Variants in RBM20 observed in about 807,000 individuals in gnomAD.
The protein encoded by RBM20 is RNA binding motif protein 20.
In RBM20, 51 loss-of-function variants were observed where a neutral mutation model predicts 110.1. The ratio of observed to expected loss-of-function variants is 0.46; its 90% CI spans 0.37 to 0.59. RBM20 has a LOEUF of 0.59. Ranked by LOEUF, RBM20 falls within the 20% of genes least tolerant of loss-of-function variation. The pLI is 0.00. For missense variants in RBM20, 1,512 were observed against 1,574.9 expected (o/e 0.96, Z 0.68); for synonymous variants, 589 against 618.2 (o/e 0.95, Z 0.70).
At chr10:110,741,502 G>C (rs1475015154) in intron 1 of RBM20, among the ~76,000 whole-genome samples, 3 of 152,014 alleles carry the variant, frequency 2.0e-5, no homozygotes, top group East Asian at 3.9e-4. Context: ...GAAAGTGAAA[G>C]AGACCCACAG....
intron 1 of RBM20, among the ~76,000 whole-genome samples, chr10:110,675,407 T>C (rs1411687363): frequency 1.3e-5 from 2 of 152,208 alleles, no homozygotes; most frequent in African/African-American, 4.8e-5. Context: ...CAGCTGTGTC[T>C]TGCATTCTTA....
At chr10:110,744,114 T>G (rs1257525996) in intron 1 of RBM20, among the ~76,000 whole-genome samples, 1 of 152,218 alleles carries the variant, frequency 6.6e-6, no homozygotes, top group Non-Finnish European at 1.5e-5. Context: ...GCTGGCTGTG[T>G]GGCACTGGGC....
intron 1 of RBM20, among the ~76,000 whole-genome samples, chr10:110,759,214 G>A (rs1330686985): frequency 1.3e-5 from 2 of 152,140 alleles, no homozygotes; most frequent in Non-Finnish European, 1.5e-5. Flanking sequence ...TGCATCTTCT[G>A]GTAACAAGAG....
chr10:110,706,245 A>G (rs766517854), intron 1 of RBM20, among the ~76,000 whole-genome samples: 1 of 152,316 alleles, frequency 6.6e-6, no homozygotes, highest in African/African-American at 2.4e-5. Flanking sequence ...CTTCATAGCT[A>G]TAGTCATCTT....
At chr10:110,718,731 C>A (rs950855515) in intron 1 of RBM20, among the ~76,000 whole-genome samples, 5 of 150,162 alleles carry the variant, frequency 3.3e-5, no homozygotes, top group Non-Finnish European at 7.4e-5. Flanking sequence ...TCTGCCTCAG[C>A]TTCCCAAGTA....
At position 110,784,316 on chromosome 10, in the gene RBM20, G is replaced by A. The variant is rs373480856; in HGVS notation, c.1338-25G>A. 5.4e-5 allele frequency: 81 copies of A among 1,504,852 alleles called. No homozygotes were observed. In the African/African-American group the frequency reaches 7.3e-4, roughly 14 times the overall value. The allele number at this position is 1,504,852 out of a possible 1,614,324, so 93.2% of individuals were successfully genotyped here. On this transcript the variant is annotated intron_variant, in intron 3 of 13. Coordinates refer to ENST00000369519, the MANE Select transcript of RBM20 (RefSeq NM_001134363.3). ...TCTTTGTTTAACTTATTAAGGAGCC[G>A]GTTTCCCTTTCTCGCCCTCTCCAGT...
chr10:110,760,987 T>A (rs532406753), intron 1 of RBM20, among the ~76,000 whole-genome samples: 1 of 148,500 alleles, frequency 6.7e-6, no homozygotes, highest in East Asian at 2.0e-4. Flanking sequence ...TCTCAGCTAC[T>A]CAGGAGGCTG....
intron 1 of RBM20, among the ~76,000 whole-genome samples, chr10:110,740,980 A>G (rs559086131): frequency 1.3e-5 from 2 of 152,184 alleles, no homozygotes; most frequent in Non-Finnish European, 2.9e-5. Flanking sequence ...CTACCTTACC[A>G]TCTGCATTTG....
intron 8 of RBM20, among the ~76,000 whole-genome samples, chr10:110,810,884 C>G (rs1844759908): frequency 6.6e-6 from 1 of 151,446 alleles, no homozygotes; most frequent in Non-Finnish European, 1.5e-5. Context: ...CGTTTAGAAC[C>G]AGCTCTTGGT....
chr10:110,799,766 T>C lies in RBM20; in HGVS notation c.1669-21T>C, dbSNP rs1425507199. 2.6e-6 allele frequency: 4 copies of C among 1,546,792 alleles called. No individual in the cohort carries two copies. The South Asian group carries it at 3.6e-5, about 14-fold the overall frequency. ...GACCATTAAAGTCAAGTCCAGTGAG[T>C]GTCCTTCCTTTCTTTCTTAGGCCTT... On this transcript the variant is annotated intron_variant, in intron 6 of 13. Transcript: ENST00000369519.
At chr10:110,749,390 A>G (rs1487147670) in intron 1 of RBM20, among the ~76,000 whole-genome samples, 2 of 152,238 alleles carry the variant, frequency 1.3e-5, no homozygotes, top group African/African-American at 4.8e-5. Flanking sequence ...ACAGTTCACA[A>G]TAACAATAAA....
intron 1 of RBM20, among the ~76,000 whole-genome samples, chr10:110,694,718 A>G (rs1463136428): frequency 6.6e-6 from 1 of 152,202 alleles, no homozygotes; most frequent in African/African-American, 2.4e-5. Flanking sequence ...CCCTCTTGCT[A>G]ACAGCAAACT....
intron 1 of RBM20, among the ~76,000 whole-genome samples, chr10:110,671,728 C>T (rs993339234): frequency 2.9e-5 from 4 of 137,692 alleles, no homozygotes; most frequent in African/African-American, 1.1e-4. Context: ...TAAAATGACA[C>T]TGTTTAAGAT....
chr10:110,671,327 C>G (rs77062015), intron 1 of RBM20, among the ~76,000 whole-genome samples: 2,502 of 152,306 alleles, frequency 0.016, 35 homozygotes, highest in Non-Finnish European at 0.026. Flanking sequence ...ATTATTATTT[C>G]TAAGCGTATG....
chr10:110,818,309 C>CAAAAAAAAAAAAAAAAAAAAAA (rs1466741507), intron 9 of RBM20, among the ~76,000 whole-genome samples: 1 of 119,784 alleles, frequency 8.3e-6, no homozygotes, highest in Non-Finnish European at 1.7e-5. Flanking sequence ...AAAAAAAAAC[C>CAAAAAAAAAAAAAAAAAAAAAA]AAAACGACAA....
chr10:110,648,716 G>GC (rs66484725), intron 1 of RBM20, among the ~76,000 whole-genome samples: 1 of 61,120 alleles, frequency 1.6e-5, no homozygotes, highest in Non-Finnish European at 4.0e-5. Context: ...GGAAGAAAAG[G>GC]GGGGGGTGCT....
chr10:110,833,611 G>C (rs1845086021), intron 13 of RBM20, among the ~76,000 whole-genome samples: 1 of 152,206 alleles, frequency 6.6e-6, no homozygotes, highest in African/African-American at 2.4e-5. Flanking sequence ...GTTAGGAAGA[G>C]TTCAGACTTG....
intron 1 of RBM20, among the ~76,000 whole-genome samples, chr10:110,740,750 T>C (rs927824323): frequency 6.6e-6 from 1 of 152,190 alleles, no homozygotes; most frequent in African/African-American, 2.4e-5. Context: ...GCAGCAGATA[T>C]AACATCATTA....
At chr10:110,765,559 G>T (rs1312271304) in intron 1 of RBM20, among the ~76,000 whole-genome samples, 3 of 152,126 alleles carry the variant, frequency 2.0e-5, no homozygotes, top group African/African-American at 7.2e-5. Flanking sequence ...CTGTTGTGCG[G>T]TTCAGGGTAC....
Sources: gnomAD v4.1 joint callset for allele counts (sites outside exome capture counted in the v4.1 genomes callset) on GRCh38, gnomAD v4.1.1 for gene constraint, MANE v1.5 for transcripts, NCBI Gene and HGNC (gene_info 2026-07-23, HGNC 2026-07-21) for gene names.